EYS: variants seen among roughly 807,000 people sequenced by gnomAD.
EYS encodes the protein EGF-like photoreceptor maintenance factor.
Under a neutral mutation model 282.1 loss-of-function variants are expected in EYS, and 250 were observed. The observed-to-expected ratio is 0.89, with a 90% CI of 0.80 to 0.98. The LOEUF (loss-of-function observed/expected upper bound fraction) is 0.98, where lower values mean the gene tolerates loss of function less well. EYS is among the 50% of genes least tolerant of loss of function. The pLI is 0.00. For missense variants in EYS, 4,016 were observed against 3,709.0 expected, an observed-to-expected ratio of 1.08 and a Z score of -2.15; for synonymous variants, 1,355 against 1,282.9, an observed-to-expected ratio of 1.06 and a Z score of -1.20.
chr6:64,845,287 T>A (rs927010287), intron 19 of EYS, among the ~76,000 whole-genome samples: 1 of 151,742 alleles, frequency 6.6e-6, no homozygotes, highest in Non-Finnish European at 1.5e-5. Flanking sequence ...AAAGTGCTTA[T>A]CTAAAAAAAA....
rs545718281 is a variant in EYS at position 64,228,477 on chromosome 6, T to C, written c.6424+2115A>G. Among the ~76,000 whole-genome samples the C allele has an allele frequency of 1.2e-4, 19 of 152,264 alleles. No homozygotes were observed. The East Asian group carries it at 3.5e-3, about 28-fold the overall frequency. On this transcript the variant is annotated intron_variant, in intron 31 of 42. Transcript: ENST00000503581. ...TAATGAATTAAAGTTATTCTTCAAA[T>C]GCAATTTTGTAATTACTAATTATTG...
At chr6:65,634,307 C>T (rs10944829) in intron 2 of EYS, among the ~76,000 whole-genome samples, 1 of 151,932 alleles carries the variant, frequency 6.6e-6, no homozygotes, top group Non-Finnish European at 1.5e-5. Context: ...ATATGAAATA[C>T]ACTGTTAGTA....
chr6:65,699,039 G>A (rs1221657257), intron 1 of EYS, among the ~76,000 whole-genome samples: 1 of 152,148 alleles, frequency 6.6e-6, no homozygotes, highest in Non-Finnish European at 1.5e-5. Flanking sequence ...TGCTATTCAT[G>A]AATTGGATTT....
Position 64,242,111 on chromosome 6 carries a change from G to A in EYS, c.6192-11287C>T, listed in dbSNP as rs144933828. Reference sequence around the variant, plus strand: ...ACGTGGTCAATTTGAGAATAAGTGCGATGTGGTGCTGAGAAGAATGTATGT... The same window carrying A: ...ACGTGGTCAATTTGAGAATAAGTGCAATGTGGTGCTGAGAAGAATGTATGT... On this transcript the variant is annotated intron_variant, in intron 30 of 42. Transcript: ENST00000503581. 6.8e-4 allele frequency among the ~76,000 whole-genome samples: 104 copies of A among 152,172 alleles called. 1 individual carries two copies. The East Asian group carries it at 0.011, about 16-fold the overall frequency.
chr6:64,094,916 C>G (rs996550424), intron 31 of EYS, among the ~76,000 whole-genome samples: 3 of 152,116 alleles, frequency 2.0e-5, no homozygotes, highest in Admixed American at 1.3e-4. Flanking sequence ...CCTCTACACA[C>G]TGCGTTGAAT....
At chr6:63,885,998 A>G (rs1773252829) in intron 35 of EYS, among the ~76,000 whole-genome samples, 2 of 152,190 alleles carry the variant, frequency 1.3e-5, no homozygotes, top group Non-Finnish European at 2.9e-5. Flanking sequence ...AGCTGTCTTC[A>G]GGCTAATCAT....
intron 22 of EYS, among the ~76,000 whole-genome samples, chr6:64,738,054 G>A (rs543759191): frequency 7.6e-5 from 4 of 52,758 alleles, no homozygotes; most frequent in Non-Finnish European, 2.4e-4. Context: ...GTGTACTATC[G>A]AGAATGAAAT....
At chr6:65,591,645 A>C (rs922495555) in intron 2 of EYS, among the ~76,000 whole-genome samples, 1 of 151,802 alleles carries the variant, frequency 6.6e-6, no homozygotes, top group African/African-American at 2.4e-5. Flanking sequence ...TGTTATATTC[A>C]CCCACACATT....
intron 31 of EYS, among the ~76,000 whole-genome samples, chr6:64,114,301 T>A (rs1354192136): frequency 1.3e-5 from 2 of 152,220 alleles, no homozygotes; most frequent in Non-Finnish European, 2.9e-5. Context: ...TTTCTGGTGT[T>A]TATTGTTTAT....
At chr6:64,449,676 G>A (rs1241862918) in intron 26 of EYS, among the ~76,000 whole-genome samples, 2 of 152,024 alleles carry the variant, frequency 1.3e-5, no homozygotes, top group Admixed American at 1.3e-4. Flanking sequence ...AACTCTACAA[G>A]CCAGAAGAGA....
chr6:64,059,500 G>A lies in EYS; in HGVS notation c.6725+6838C>T, dbSNP rs1254100721. ...CCATAAAGATACTCTGTAGACTCAG[G>A]TTCACATTCAGACTGAGATGCTCCA... On this transcript the variant is annotated intron_variant, in intron 33 of 42. Coordinates refer to ENST00000503581, the MANE Select transcript of EYS (RefSeq NM_001142800.2). Among the ~76,000 whole-genome samples the A allele has an allele frequency of 2.6e-5, 4 of 152,216 alleles. No homozygotes were observed. In the Middle Eastern group the frequency reaches 0.01, roughly 388 times the overall value.
chr6:64,096,104 T>G (rs558332923), intron 31 of EYS, among the ~76,000 whole-genome samples: 1 of 152,202 alleles, frequency 6.6e-6, no homozygotes, highest in Non-Finnish European at 1.5e-5. Flanking sequence ...GCTTGTAGAG[T>G]TTCTGCCGAG....
At chr6:65,632,909 T>C (rs1766966119) in intron 2 of EYS, among the ~76,000 whole-genome samples, 1 of 151,916 alleles carries the variant, frequency 6.6e-6, no homozygotes, top group African/African-American at 2.4e-5. Flanking sequence ...TAGGGATAAA[T>C]TGAGGACCAT....
chr6:64,001,442 G>A (rs1407648855), intron 33 of EYS, among the ~76,000 whole-genome samples: 1 of 151,946 alleles, frequency 6.6e-6, no homozygotes, highest in African/African-American at 2.4e-5. Context: ...GAAACTCAAT[G>A]CAACCGACTT....
chr6:64,316,639 A>T (rs1006235094), intron 29 of EYS, among the ~76,000 whole-genome samples: 2 of 152,218 alleles, frequency 1.3e-5, no homozygotes, highest in Admixed American at 1.3e-4. Context: ...CATACTGCCC[A>T]AAGTAATTTA....
chr6:65,445,300 C>T (rs563669771), intron 5 of EYS, among the ~76,000 whole-genome samples: 3 of 151,886 alleles, frequency 2.0e-5, no homozygotes, highest in Non-Finnish European at 2.9e-5. Context: ...ATAAAAATAG[C>T]TAAGGCTTGC....
At position 64,591,312 on chromosome 6, in the gene EYS, T is replaced by C; in HGVS notation, c.4555A>G (p.Lys1519Glu). Residue 1519 changes from lysine to glutamate, a missense_variant, in exon 26 of 43, where the codon AAA becomes GAA. Coordinates refer to ENST00000503581, the MANE Select transcript of EYS (RefSeq NM_001142800.2). ...TGATATTCACTGGGATTGAAGGCTTTTGTACTGAACCGGTGCAGAGCTGAT... is the reference window on the plus strand; with the variant it reads ...TGATATTCACTGGGATTGAAGGCTTCTGTACTGAACCGGTGCAGAGCTGAT... Reference protein sequence around the residue: ...NSSALHRFSTKAFNPSEYQAI... With the variant: ...NSSALHRFSTEAFNPSEYQAI... 6.4e-7 allele frequency: 1 copy of C among 1,551,414 alleles called. No individual in the cohort carries two copies. The highest frequency in any genetic ancestry group is 8.7e-7 in the Non-Finnish European group (1 of 1,146,802).
chr6:65,411,014 C>T (rs184009738), intron 5 of EYS, among the ~76,000 whole-genome samples: 2 of 152,066 alleles, frequency 1.3e-5, no homozygotes, highest in Admixed American at 6.6e-5. Context: ...ACATGTCACA[C>T]ATCTGGTTAA....
At chr6:64,955,573 TGCAA>T (rs1006228538) in intron 14 of EYS, among the ~76,000 whole-genome samples, 70 of 152,246 alleles carry the variant, frequency 4.6e-4, no homozygotes, top group African/African-American at 1.6e-3. Flanking sequence ...GGATTTATTG[TGCAA>T]GCACAATAAA....
Sources: allele counts gnomAD v4.1 joint callset (sites outside exome capture counted in the v4.1 genomes callset), GRCh38; gene constraint gnomAD v4.1.1; transcripts MANE v1.5; gene names NCBI Gene and HGNC (gene_info 2026-07-23, HGNC 2026-07-21).